MORC4: variants seen among roughly 807,000 people sequenced by gnomAD.
MORC4 encodes the protein MORC family CW-type zinc finger protein 4.
In MORC4, 22 loss-of-function variants were observed where a neutral mutation model predicts 65.5. The ratio of observed to expected loss-of-function variants is 0.34; its 90% CI spans 0.24 to 0.48. The LOEUF (loss-of-function observed/expected upper bound fraction) is 0.48, where lower values mean the gene tolerates loss of function less well. Ranked by LOEUF, MORC4 falls within the 20% of genes least tolerant of loss-of-function variation. The probability of loss-of-function intolerance (pLI) is 0.99; values close to 1 mark genes in which losing one functional copy is unlikely to be tolerated. For missense variants in MORC4, 624 were observed against 703.0 expected (o/e 0.89, Z 1.27); for synonymous variants, 267 against 255.8 (o/e 1.04, Z -0.42).
At chrX:106,972,796 G>C (rs1934549934) in intron 9 of MORC4, among the ~76,000 whole-genome samples, 1 of 112,015 alleles carries the variant, frequency 8.9e-6, no homozygotes, top group South Asian at 3.7e-4. Context: ...AAATTAGCCG[G>C]GCGTGGTGGC....
chrX:106,982,031 A>G (rs977389646), intron 5 of MORC4, among the ~76,000 whole-genome samples: 12 of 112,032 alleles, frequency 1.1e-4, no homozygotes, highest in African/African-American at 3.9e-4. Flanking sequence ...TGGTACTAAC[A>G]TTCCTTTCAT....
At chrX:106,995,687 C>T (rs1253941012) in intron 2 of MORC4, among the ~76,000 whole-genome samples, 2 of 112,159 alleles carry the variant, frequency 1.8e-5, no homozygotes, top group Non-Finnish European at 3.8e-5. Context: ...AGGTTGGGGG[C>T]CTAGGGCCTA....
At chrX:106,956,236 C>T (rs1934102164) in intron 13 of MORC4, among the ~76,000 whole-genome samples, 1 of 112,061 alleles carries the variant, frequency 8.9e-6, no homozygotes, top group Non-Finnish European at 1.9e-5. Flanking sequence ...GATATTCATA[C>T]TGTCCAGAGT....
At chrX:106,962,202 ATTTAGAG>A (rs1381201306) in intron 9 of MORC4, 92 bp from the exon 10 acceptor site, 1 of 623,227 alleles carries the variant, frequency 1.6e-6, no homozygotes, top group Non-Finnish European at 2.5e-6. Context: ...GACACCAATA[ATTTAGAG>A]TATCTGGCAT....
intron 12 of MORC4, among the ~76,000 whole-genome samples, 197 bp from the exon 13 acceptor site, chrX:106,956,731 G>A (rs934147017): frequency 7.2e-5 from 8 of 111,631 alleles, no homozygotes; most frequent in African/African-American, 2.6e-4. Flanking sequence ...GAGAGAGAGA[G>A]AGGAGAGAGA....
chrX:106,980,100 C>A (rs1934710249), intron 7 of MORC4, among the ~76,000 whole-genome samples: 1 of 110,322 alleles, frequency 9.1e-6, no homozygotes, highest in African/African-American at 3.3e-5. Flanking sequence ...TGCTTAGTTA[C>A]TAGAAAATAA....
chrX:106,975,873 T>C (rs1045739118), intron 9 of MORC4, among the ~76,000 whole-genome samples: 11 of 111,443 alleles, frequency 9.9e-5, no homozygotes, highest in African/African-American at 3.6e-4. Flanking sequence ...ATTAAAGCAA[T>C]TATTTTATAA....
At chrX:106,950,461 A>G (rs1401916941) in intron 14 of MORC4, among the ~76,000 whole-genome samples, 1 of 112,171 alleles carries the variant, frequency 8.9e-6, no homozygotes, top group East Asian at 2.8e-4. Flanking sequence ...AGAGACAACA[A>G]CAGTAACATA....
intron 13 of MORC4, among the ~76,000 whole-genome samples, chrX:106,955,739 A>G (rs1934091584): frequency 9.0e-6 from 1 of 111,632 alleles, no homozygotes; most frequent in South Asian, 3.8e-4. Context: ...TTGGCAGGAT[A>G]TCAGAAGAAG....
chrX:106,991,268 A>C (rs993284415), intron 3 of MORC4, among the ~76,000 whole-genome samples: 1 of 111,775 alleles, frequency 8.9e-6, no homozygotes, highest in Non-Finnish European at 1.9e-5. Flanking sequence ...AGCACTTACC[A>C]CTGGGTGGAA....
intron 11 of MORC4, among the ~76,000 whole-genome samples, chrX:106,957,424 G>A (rs1602482527): frequency 9.0e-6 from 1 of 111,488 alleles, no homozygotes; most frequent in East Asian, 2.8e-4. Context: ...GGCATATCTA[G>A]AGACTATGAG....
Position 106,986,082 on chromosome X carries a change from C to G in MORC4, c.427G>C (p.Gly143Arg). ...GKDALVFTKN[G>R]GTLTVGLLSQ... ...AGAAGTCCAACAGTGAGAGTACCCC[C>G]ATTCTTGGTGAAGACAAGGGCGTCC... The change falls in exon 4 of 17, where the codon GGG becomes CGG. Residue 143 changes from glycine (G) to arginine (R), a missense_variant. Transcript: ENST00000355610. 2 of 1,210,549 alleles carry G rather than the reference C, an allele frequency of 1.7e-6. No homozygotes were observed. Among genetic ancestry groups the G allele is most frequent in the Non-Finnish European group, 2.2e-6 (2 of 894,342 alleles).
chrX:106,976,220 T>C (rs1646982110), intron 9 of MORC4, among the ~76,000 whole-genome samples: 1 of 111,734 alleles, frequency 8.9e-6, no homozygotes, highest in African/African-American at 3.2e-5. Flanking sequence ...AAGAAAAATT[T>C]TTGGAACAAA....
chrX:106,950,510 C>T (rs1485511059), intron 14 of MORC4, among the ~76,000 whole-genome samples: 1 of 111,946 alleles, frequency 8.9e-6, no homozygotes, highest in Non-Finnish European at 1.9e-5. Flanking sequence ...TGAATGGGTA[C>T]TGGGGTAATT....
chrX:106,993,370 A>C lies in MORC4; in HGVS notation c.176-8T>G, dbSNP rs1935015642. ...CTGGATCTACAGCATTATCTGCAAA[A>C]GGTAGAAATCTGCGATATTAGATCC... On this transcript the variant is annotated splice_region_variant and splice_polypyrimidine_tract_variant and intron_variant, in intron 2 of 16. Transcript: ENST00000355610. 1.7e-6 allele frequency: 2 copies of C among 1,205,456 alleles called. No homozygotes were observed. The highest frequency in any genetic ancestry group is 1.1e-6 in the Non-Finnish European group (1 of 891,965).
intron 3 of MORC4, among the ~76,000 whole-genome samples, chrX:106,987,822 T>A (rs1439312837): frequency 9.3e-6 from 1 of 107,350 alleles, no homozygotes; most frequent in Non-Finnish European, 1.9e-5. Context: ...TACAAATAAA[T>A]CTAGTGACAG....
intron 5 of MORC4, among the ~76,000 whole-genome samples, chrX:106,983,936 A>G (rs1339513092): frequency 9.0e-6 from 1 of 110,620 alleles, no homozygotes; most frequent in African/African-American, 3.3e-5. Flanking sequence ...GTTTACTCTA[A>G]TTTTTTTTCT....
chrX:106,983,474 C>T (rs905029083), intron 5 of MORC4, among the ~76,000 whole-genome samples: 3 of 111,495 alleles, frequency 2.7e-5, no homozygotes, highest in East Asian at 5.6e-4. Context: ...TACATTTATC[C>T]GATAATCTTT....
intron 2 of MORC4, among the ~76,000 whole-genome samples, chrX:106,994,008 T>C (rs372639175): frequency 3.6e-5 from 4 of 112,351 alleles, no homozygotes; most frequent in African/African-American, 9.7e-5. Context: ...AGGTATTTTG[T>C]AATAGTTTTA....
Sources: allele counts gnomAD v4.1 joint callset (sites outside exome capture counted in the v4.1 genomes callset), GRCh38; gene constraint gnomAD v4.1.1; transcripts MANE v1.5; gene names NCBI Gene and HGNC (gene_info 2026-07-23, HGNC 2026-07-21).